The following COPS7B variants were observed in gnomAD, a reference collection of about 807,000 sequenced individuals.
COPS7B encodes the protein COP9 signalosome subunit 7B.
Under a neutral mutation model 33.4 loss-of-function variants are expected in COPS7B, and 9 were observed. That is an observed-to-expected ratio of 0.27 (90% CI 0.16 to 0.47). COPS7B has a LOEUF of 0.47. COPS7B is among the 20% of genes least tolerant of loss of function. COPS7B has a pLI of 0.99. For missense variants in COPS7B, 242 were observed against 318.2 expected (o/e 0.76, Z 1.82); for synonymous variants, 119 against 126.3 (o/e 0.94, Z 0.39).
In COPS7B at chr2:231,808,411, C is replaced by T. The variant is rs200014124; in HGVS notation, c.*766C>T. 9.3e-5 allele frequency: 44 copies of T among 470,776 alleles called. No individual in the cohort carries two copies. Among genetic ancestry groups the T allele is most frequent in the Non-Finnish European group, 1.7e-4 (39 of 226,794 alleles). The allele number at this position is 470,776 out of a possible 1,614,324, so 29.2% of individuals were successfully genotyped here. A position where few individuals can be genotyped will look rare whatever the true frequency, so the allele number is the denominator to read the frequency against. On this transcript the variant is annotated 3_prime_UTR_variant, in exon 7 of 7. Transcript: ENST00000350033. ...GCCTCTGACTACTCAGCCTTGTTTT[C>T]GGTGTGTAGGCCCCAGCTGCCCACT...
At chr2:231,801,539 T>G (rs1331444101) in intron 6 of COPS7B, among the ~76,000 whole-genome samples, 3 of 152,024 alleles carry the variant, frequency 2.0e-5, no homozygotes, top group Non-Finnish European at 4.4e-5. Context: ...CCTCCTGGGC[T>G]CAAGCAGTCT....
At position 231,798,881 on chromosome 2, in the gene COPS7B, C is replaced by G. The variant is rs1192607926; in HGVS notation, c.553C>G (p.Leu185Val). ...HEWCDGCEAVLLGIEQQVLRA... is the reference protein window; with the variant it reads ...HEWCDGCEAVVLGIEQQVLRA... ...TAGGTGTGATGGCTGTGAAGCAGTT[C>G]TACTGGGCATCGAGCAGCAAGTTCT... is the stretch of plus-strand genomic sequence containing the variant. The change falls in exon 6 of 7, where the codon CTA (leucine) becomes GTA (valine). Residue 185 changes from leucine to valine, a missense_variant. Physicochemically the swap from Leu to Val is conservative, Grantham distance 32. Coordinates refer to ENST00000350033, the MANE Select transcript of COPS7B (RefSeq NM_022730.4). The G allele has an allele frequency of 6.2e-7, 1 of 1,614,172 alleles. No homozygotes were observed. Among genetic ancestry groups the G allele is most frequent in the Admixed American group, 1.7e-5 (1 of 60,024 alleles).
At position 231,808,648 on chromosome 2, in the gene COPS7B, C is replaced by A; in HGVS notation, c.*1003C>A. 1 of 387,746 alleles carries A rather than the reference C, an allele frequency of 2.6e-6. No individual in the cohort carries two copies. The highest frequency in any genetic ancestry group is 5.2e-6 in the Non-Finnish European group (1 of 193,096). The allele number at this position is 387,746 out of a possible 1,614,324, so 24.0% of individuals were successfully genotyped here. A position where few individuals can be genotyped will look rare whatever the true frequency, so the allele number is the denominator to read the frequency against. On this transcript the variant is annotated 3_prime_UTR_variant, in exon 7 of 7. Coordinates refer to ENST00000350033, the MANE Select transcript of COPS7B (RefSeq NM_022730.4). ...ACTTAACTAGACTTCTGAACTTGAA[C>A]AGTTTCAGGTTATATTTTAATTTTT...
chr2:231,797,948 T>C (rs13428667), intron 5 of COPS7B, among the ~76,000 whole-genome samples: 45,055 of 151,910 alleles, frequency 0.3, 7,212 homozygotes, highest in African/African-American at 0.41. Flanking sequence ...AGTGCAATAG[T>C]GCGATCTCAG....
intron 3 of COPS7B, chr2:231,793,989 G>A: frequency 2.4e-6 from 1 of 409,968 alleles, no homozygotes; most frequent in Non-Finnish European, 4.5e-6. Context: ...GTCACAAGGG[G>A]CACAAATAGT....
chr2:231,802,863 A>C (rs1040260496), intron 6 of COPS7B, among the ~76,000 whole-genome samples: 7 of 152,160 alleles, frequency 4.6e-5, no homozygotes, highest in African/African-American at 1.7e-4. Flanking sequence ...TTGTAAATGC[A>C]GTGGTAAAGC....
chr2:231,804,433 G>C (rs2049835281), intron 6 of COPS7B, among the ~76,000 whole-genome samples: 1 of 152,090 alleles, frequency 6.6e-6, no homozygotes. Context: ...ATTTTTAGTA[G>C]AGATGGGGTT....
chr2:231,799,748 G>T (rs2049688104), intron 6 of COPS7B, among the ~76,000 whole-genome samples: 1 of 152,168 alleles, frequency 6.6e-6, no homozygotes, highest in African/African-American at 2.4e-5. Flanking sequence ...TATTAATGAT[G>T]CTTAATGAAT....
intron 1 of COPS7B, among the ~76,000 whole-genome samples, chr2:231,788,177 C>A (rs973443315): frequency 1.4e-5 from 2 of 141,858 alleles, no homozygotes; most frequent in Non-Finnish European, 3.0e-5. Context: ...CGCTCTGTTG[C>A]CCAGGCTGGA....
rs1308744576 is a variant in COPS7B at position 231,808,448 on chromosome 2, C to G, written c.*803C>G. 3 of 471,658 alleles carry G rather than the reference C, an allele frequency of 6.4e-6. No individual in the cohort carries two copies. Among genetic ancestry groups the G allele is most frequent in the Non-Finnish European group, 4.4e-6 (1 of 227,154 alleles). The allele number at this position is 471,658 out of a possible 1,614,324, so 29.2% of individuals were successfully genotyped here. ...CCCAGCTGCCCACTGGAACTGCCGG[C>G]TAATGCTTGCTCTCCCAAGATCTTT... On this transcript the variant is annotated 3_prime_UTR_variant, in exon 7 of 7. Transcript: ENST00000350033.
intron 3 of COPS7B, among the ~76,000 whole-genome samples, chr2:231,792,723 G>A (rs999657495): frequency 2.6e-5 from 4 of 151,882 alleles, no homozygotes; most frequent in African/African-American, 7.3e-5. Flanking sequence ...AGGGCATTTG[G>A]GTCATTTTAA....
intron 6 of COPS7B, among the ~76,000 whole-genome samples, chr2:231,802,417 C>T (rs1387522484): frequency 6.6e-6 from 1 of 152,152 alleles, no homozygotes; most frequent in African/African-American, 2.4e-5. Flanking sequence ...GGTTTCCTGC[C>T]CCAGAAAGCT....
chr2:231,807,563 G>A lies in COPS7B; in HGVS notation c.713G>A (p.Arg238Gln), dbSNP rs778146929. 1.2e-6 allele frequency: 2 copies of A among 1,611,620 alleles called. No individual in the cohort carries two copies. Among genetic ancestry groups the A allele is most frequent in the Non-Finnish European group, 1.7e-6 (2 of 1,179,052 alleles). ...AQEMEQQLAE[R>Q]ECPPHAEQRQ... Reference sequence around the variant, plus strand: ...GAGATGGAGCAGCAGCTGGCTGAACGGGAGTGTCCCCCTCACGCTGAGCAG... The same window carrying A: ...GAGATGGAGCAGCAGCTGGCTGAACAGGAGTGTCCCCCTCACGCTGAGCAG... Residue 238 changes from arginine to glutamine, a missense_variant, in exon 7 of 7, where the codon CGG becomes CAG. Physicochemically the swap from Arg to Gln is conservative, Grantham distance 43. Transcript: ENST00000350033.
intron 3 of COPS7B, among the ~76,000 whole-genome samples, chr2:231,793,065 C>A (rs2049464697): frequency 1.3e-5 from 2 of 152,286 alleles, no homozygotes; most frequent in Non-Finnish European, 2.9e-5. Flanking sequence ...TGCCTGTAGC[C>A]AGTCTGGCTC....
chr2:231,807,888 G>GA lies in COPS7B; in HGVS notation c.*244dup, dbSNP rs1464746652. 2.3e-6 allele frequency: 1 copy of GA among 432,010 alleles called. No individual in the cohort carries two copies. The highest frequency in any genetic ancestry group is 4.1e-5 in the East Asian group (1 of 24,394). The allele number at this position is 432,010 out of a possible 1,614,324, so 26.8% of individuals were successfully genotyped here. On this transcript the variant is annotated 3_prime_UTR_variant, in exon 7 of 7. Transcript: ENST00000350033. ...CCAATGCCATCCCAAAACAGGGTCA[G>GA]ACACTGCCCAGCTTCCCTCCAGGAG...
chr2:231,784,122 G>C (rs1198304510), upstream of COPS7B, among the ~76,000 whole-genome samples: 2 of 145,794 alleles, frequency 1.4e-5, no homozygotes, highest in Non-Finnish European at 3.0e-5. Context: ...TTTGGACTGA[G>C]AAGGGGGAGG....
chr2:231,802,337 T>C (rs138369809), intron 6 of COPS7B, among the ~76,000 whole-genome samples: 2 of 152,356 alleles, frequency 1.3e-5, no homozygotes, highest in Non-Finnish European at 2.9e-5. Flanking sequence ...TCTTTTTCTT[T>C]GTAGCACTTT....
chr2:231,793,997 A>G lies in COPS7B; in HGVS notation c.239-266A>G, dbSNP rs546623485. The G allele has an allele frequency of 9.3e-6, 4 of 432,130 alleles. No individual in the cohort carries two copies. The Admixed American group carries it at 1.1e-4, about 12-fold the overall frequency. The allele number at this position is 432,130 out of a possible 1,614,324, so 26.8% of individuals were successfully genotyped here. The stretch of plus-strand genomic sequence containing the variant: ...ATTGAATGTCACAAGGGGCACAAAT[A>G]GTACTCCATTAAGATAATTGCCACA... On this transcript the variant is annotated intron_variant, in intron 3 of 6. Transcript: ENST00000350033.
rs934639892 is a variant in COPS7B at position 231,808,292 on chromosome 2, G to A, written c.*647G>A. On this transcript the variant is annotated 3_prime_UTR_variant, in exon 7 of 7. Coordinates refer to ENST00000350033, the MANE Select transcript of COPS7B (RefSeq NM_022730.4). Reference sequence around the variant, plus strand: ...AGAGCGCTGGGTTGACTAACCTCTGGTATCTGAGCACAGACAGAGGGTGCT... The same window carrying A: ...AGAGCGCTGGGTTGACTAACCTCTGATATCTGAGCACAGACAGAGGGTGCT... 5 of 382,380 alleles carry A rather than the reference G, an allele frequency of 1.3e-5. No individual in the cohort carries two copies. Among genetic ancestry groups the A allele is most frequent in the African/African-American group, 1.1e-4 (5 of 46,854 alleles). 23.7% of individuals were successfully genotyped at this position (382,380 alleles called of 1,614,324 possible).
Sources: allele counts gnomAD v4.1 joint callset (sites outside exome capture counted in the v4.1 genomes callset), GRCh38; gene constraint gnomAD v4.1.1; transcripts MANE v1.5; gene names NCBI Gene and HGNC (gene_info 2026-07-23, HGNC 2026-07-21).